ZMAT4: variants seen among roughly 807,000 people sequenced by gnomAD.
ZMAT4 encodes the protein zinc finger matrin-type 4.
A neutral mutation model predicts 28.7 loss-of-function variants in ZMAT4; 17 were observed. That is an observed-to-expected ratio of 0.59 (90% CI 0.41 to 0.89). ZMAT4 has a LOEUF of 0.89. ZMAT4 is among the 40% of genes least tolerant of loss of function. The probability of loss-of-function intolerance (pLI) is 0.00; values close to 1 mark genes in which losing one functional copy is unlikely to be tolerated. For synonymous variants in ZMAT4, 117 were observed against 109.2 expected (o/e 1.07, Z -0.44); for missense variants, 240 against 283.8 (o/e 0.85, Z 1.11).
intron 5 of ZMAT4, among the ~76,000 whole-genome samples, chr8:40,667,714 C>A (rs1808481441): frequency 6.6e-6 from 1 of 151,798 alleles, no homozygotes; most frequent in Non-Finnish European, 1.5e-5. Flanking sequence ...TCTTAAGAAG[C>A]ACAGGAAACT....
intron 2 of ZMAT4, among the ~76,000 whole-genome samples, chr8:40,773,890 A>C (rs1484162473): frequency 6.6e-6 from 1 of 152,150 alleles, no homozygotes; most frequent in Non-Finnish European, 1.5e-5. Flanking sequence ...ATATGAAAAA[A>C]CAGAACAAAT....
At chr8:40,689,276 G>A (rs1809555076) in intron 4 of ZMAT4, among the ~76,000 whole-genome samples, 1 of 152,252 alleles carries the variant, frequency 6.6e-6, no homozygotes, top group Non-Finnish European at 1.5e-5. Context: ...GAGTCCACAG[G>A]TGGAGACTTC....
chr8:40,877,584 T>A (rs1818083613), intron 1 of ZMAT4, among the ~76,000 whole-genome samples: 1 of 152,222 alleles, frequency 6.6e-6, no homozygotes. Context: ...TAACTCCTTT[T>A]TTATTTAAAT....
intron 5 of ZMAT4, among the ~76,000 whole-genome samples, chr8:40,644,468 A>G (rs1303577641): frequency 6.6e-6 from 1 of 152,200 alleles, no homozygotes; most frequent in Non-Finnish European, 1.5e-5. Context: ...AAGAGTTCCC[A>G]ATAGCAAAAT....
At chr8:40,814,672 A>T (rs1474983034) in intron 2 of ZMAT4, among the ~76,000 whole-genome samples, 1 of 152,204 alleles carries the variant, frequency 6.6e-6, no homozygotes, top group African/African-American at 2.4e-5. Flanking sequence ...AAAAAGATAT[A>T]AAAGGAAAAA....
chr8:40,647,125 G>A (rs61405720), intron 5 of ZMAT4, among the ~76,000 whole-genome samples: 2,491 of 152,284 alleles, frequency 0.016, 53 homozygotes, highest in African/African-American at 0.041. Flanking sequence ...CGTGAGCGAC[G>A]CAGAAGACGG....
chr8:40,610,681 A>G (rs79220709), intron 5 of ZMAT4, among the ~76,000 whole-genome samples: 39 of 152,228 alleles, frequency 2.6e-4, no homozygotes, highest in African/African-American at 9.1e-4. Flanking sequence ...GGGGTTTCAC[A>G]TAGAAATAGG....
chr8:40,834,155 C>A (rs1305428734), intron 1 of ZMAT4, among the ~76,000 whole-genome samples: 1 of 152,206 alleles, frequency 6.6e-6, no homozygotes, highest in Non-Finnish European at 1.5e-5. Context: ...ACCCCAGCCG[C>A]GGGCCGTGGA....
At chr8:40,708,711 G>T (rs560479086) in intron 3 of ZMAT4, among the ~76,000 whole-genome samples, 1 of 146,742 alleles carries the variant, frequency 6.8e-6, no homozygotes, top group Admixed American at 6.9e-5. Flanking sequence ...AGTGAGTGGC[G>T]CAATCTCAGC....
chr8:40,564,918 C>A (rs1227483544), intron 6 of ZMAT4, among the ~76,000 whole-genome samples: 1 of 152,156 alleles, frequency 6.6e-6, no homozygotes, highest in Non-Finnish European at 1.5e-5. Flanking sequence ...AGTAAAAAAT[C>A]TGCTTTAGAA....
chr8:40,790,221 G>T (rs1272487513), intron 2 of ZMAT4, among the ~76,000 whole-genome samples: 1 of 152,114 alleles, frequency 6.6e-6, no homozygotes, highest in African/African-American at 2.4e-5. Context: ...AAAAAAAACT[G>T]TTTTTATTCT....
At chr8:40,560,384 A>G (rs1006377216) in intron 6 of ZMAT4, among the ~76,000 whole-genome samples, 3 of 152,026 alleles carry the variant, frequency 2.0e-5, no homozygotes, top group Non-Finnish European at 4.4e-5. Flanking sequence ...TTTATTCATC[A>G]ATGCTTTTTC....
chr8:40,707,696 G>T (rs1256746750), intron 3 of ZMAT4, among the ~76,000 whole-genome samples: 1 of 151,912 alleles, frequency 6.6e-6, no homozygotes, highest in Non-Finnish European at 1.5e-5. Context: ...GTAATCAAAT[G>T]GTTTAAAAGA....
At chr8:40,890,843 T>TGGCTC (rs1039891759) in intron 1 of ZMAT4, among the ~76,000 whole-genome samples, 10 of 152,038 alleles carry the variant, frequency 6.6e-5, no homozygotes, top group Admixed American at 4.6e-4. Context: ...TTTGCTACCG[T>TGGCTC]GGCTCCCTCT....
At position 40,774,343 on chromosome 8, in the gene ZMAT4, G is replaced by A. The variant is rs191720013; in HGVS notation, c.103-6613C>T. 2.5e-3 allele frequency among the ~76,000 whole-genome samples: 386 copies of A among 152,170 alleles called. 2 individuals carry two copies. The highest frequency in any genetic ancestry group is 8.6e-3 in the African/African-American group (357 of 41,534). ...TGTGTTTCTTTCTCCCATCAAATTGGCAAGGATTTACAAAATATATATATC... is the reference window on the plus strand; with the variant it reads ...TGTGTTTCTTTCTCCCATCAAATTGACAAGGATTTACAAAATATATATATC... On this transcript the variant is annotated intron_variant, in intron 2 of 6. Transcript: ENST00000297737.
Position 40,589,502 on chromosome 8 carries a change from G to T in ZMAT4, c.578-8241C>A, listed in dbSNP as rs568362778. Among the ~76,000 whole-genome samples, 13 of 152,292 alleles carry T rather than the reference G, an allele frequency of 8.5e-5. No individual in the cohort carries two copies. The South Asian group carries it at 2.5e-3, about 29-fold the overall frequency. On this transcript the variant is annotated intron_variant, in intron 5 of 6. Coordinates refer to ENST00000297737, the MANE Select transcript of ZMAT4 (RefSeq NM_024645.3). ...AAACACAAATTCTAGCCTTATCCTA[G>T]ATGATTATGATTCAGTAAATCTACA...
At chr8:40,860,485 G>A (rs1817450409) in intron 1 of ZMAT4, among the ~76,000 whole-genome samples, 2 of 152,110 alleles carry the variant, frequency 1.3e-5, no homozygotes, top group Non-Finnish European at 2.9e-5. Flanking sequence ...TGTTACATTG[G>A]ACAACAGCAA....
At chr8:40,874,168 T>G (rs1041291789) in intron 1 of ZMAT4, among the ~76,000 whole-genome samples, 2 of 152,218 alleles carry the variant, frequency 1.3e-5, no homozygotes, top group Admixed American at 1.3e-4. Context: ...CTTTCATGGC[T>G]TAAGTTCTGA....
intron 6 of ZMAT4, among the ~76,000 whole-genome samples, chr8:40,543,476 A>AC (rs1356253656): frequency 2.0e-5 from 3 of 152,110 alleles, no homozygotes; most frequent in Non-Finnish European, 4.4e-5. Context: ...CTGATCCCCC[A>AC]CCCCAAATAA....
Sources: gnomAD v4.1 joint callset for allele counts (sites outside exome capture counted in the v4.1 genomes callset) on GRCh38, gnomAD v4.1.1 for gene constraint, MANE v1.5 for transcripts, NCBI Gene and HGNC (gene_info 2026-07-23, HGNC 2026-07-21) for gene names.